Variants in FOXO3 observed in about 807,000 individuals in gnomAD.
The protein encoded by FOXO3 is forkhead box O3.
Under a neutral mutation model 41.9 loss-of-function variants are expected in FOXO3, and 4 were observed. That is an observed-to-expected ratio of 0.10 (90% CI 0.05 to 0.22). FOXO3 has a LOEUF of 0.22. FOXO3 is among the 10% of genes least tolerant of loss of function. The pLI is 1.00. For synonymous variants in FOXO3, 318 were observed against 389.3 expected (o/e 0.82, Z 2.16); for missense variants, 534 against 906.8 (o/e 0.59, Z 5.28).
intron 1 of FOXO3, among the ~76,000 whole-genome samples, chr6:108,630,481 A>C (rs1031579776): frequency 2.6e-5 from 4 of 152,158 alleles, no homozygotes; most frequent in African/African-American, 9.7e-5. Flanking sequence ...TGAGGTGGCT[A>C]GGGTAGTATT....
At chr6:108,651,331 A>G (rs558194737) in intron 1 of FOXO3, among the ~76,000 whole-genome samples, 1 of 152,242 alleles carries the variant, frequency 6.6e-6, no homozygotes, top group Non-Finnish European at 1.5e-5. Flanking sequence ...TTCCAAATGC[A>G]TGCACACTTG....
At chr6:108,660,788 C>T (rs1193688180) in intron 1 of FOXO3, among the ~76,000 whole-genome samples, 2 of 152,248 alleles carry the variant, frequency 1.3e-5, no homozygotes, top group East Asian at 1.9e-4. Context: ...GGGTGGGTCA[C>T]GAGGTCAGGA....
chr6:108,657,302 G>C (rs1778716490), intron 1 of FOXO3, among the ~76,000 whole-genome samples: 1 of 152,160 alleles, frequency 6.6e-6, no homozygotes, highest in African/African-American at 2.4e-5. Flanking sequence ...TTTTCCTAGA[G>C]ATCTTTCTTT....
intron 2 of FOXO3, among the ~76,000 whole-genome samples, chr6:108,674,548 A>T (rs1770502858): frequency 1.3e-5 from 2 of 152,200 alleles, no homozygotes; most frequent in Admixed American, 1.3e-4. Context: ...TTGCCATTTC[A>T]GGCACATTAT....
At chr6:108,560,910 G>A (rs575429425), upstream of FOXO3, 162 of 1,199,422 alleles carry the variant, frequency 1.4e-4, 1 homozygote, top group African/African-American at 2.3e-3. Context: ...CGGCCTGGCC[G>A]GGGGGCGGTG....
intron 1 of FOXO3, among the ~76,000 whole-genome samples, chr6:108,654,322 A>G (rs567681200): frequency 2.8e-4 from 43 of 152,314 alleles, no homozygotes; most frequent in Middle Eastern, 3.4e-3. Flanking sequence ...AATAATTAAT[A>G]TGAAAATAAA....
At chr6:108,572,186 G>C (rs1290264763) in intron 1 of FOXO3, among the ~76,000 whole-genome samples, 2 of 152,186 alleles carry the variant, frequency 1.3e-5, no homozygotes, top group Admixed American at 6.5e-5. Flanking sequence ...ATCTGGCTGA[G>C]GGCTTTGGTG....
chr6:108,673,685 C>T (rs1369556361), intron 2 of FOXO3, among the ~76,000 whole-genome samples: 1 of 152,122 alleles, frequency 6.6e-6, no homozygotes, highest in Non-Finnish European at 1.5e-5. Context: ...GCAATTACAC[C>T]TGCATTTCCA....
intron 1 of FOXO3, among the ~76,000 whole-genome samples, chr6:108,660,385 T>C (rs756412820): frequency 1.3e-5 from 2 of 152,216 alleles, no homozygotes; most frequent in Non-Finnish European, 2.9e-5. Flanking sequence ...CTGGGCAACA[T>C]TTGCCTTATC....
At chr6:108,673,757 G>GC (rs1171652548) in intron 2 of FOXO3, among the ~76,000 whole-genome samples, 1 of 151,822 alleles carries the variant, frequency 6.6e-6, no homozygotes, top group Non-Finnish European at 1.5e-5. Flanking sequence ...TCCCTGCCCC[G>GC]CCCCCCACAT....
chr6:108,631,611 T>C (rs1389721246), intron 1 of FOXO3, among the ~76,000 whole-genome samples: 3 of 152,196 alleles, frequency 2.0e-5, no homozygotes, highest in Non-Finnish European at 2.9e-5. Context: ...TTGACATTTT[T>C]CCCCCCTTTC....
At chr6:108,662,375 T>A (rs1408354607) in intron 1 of FOXO3, among the ~76,000 whole-genome samples, 4 of 152,230 alleles carry the variant, frequency 2.6e-5, no homozygotes, top group Non-Finnish European at 5.9e-5. Context: ...CTAAAGTTGC[T>A]CTTTTCCCCC....
At chr6:108,620,841 G>C (rs1777645599) in intron 1 of FOXO3, among the ~76,000 whole-genome samples, 1 of 152,048 alleles carries the variant, frequency 6.6e-6, no homozygotes, top group African/African-American at 2.4e-5. Flanking sequence ...AGCCTATACT[G>C]GTGTTTTTAT....
At chr6:108,592,144 A>G (rs2128363315) in intron 1 of FOXO3, among the ~76,000 whole-genome samples, 1 of 152,338 alleles carries the variant, frequency 6.6e-6, no homozygotes, top group African/African-American at 2.4e-5. Flanking sequence ...GGTTGACTGC[A>G]AAAGGGCAGA....
At chr6:108,665,988 T>C (rs1239183211) in intron 2 of FOXO3, among the ~76,000 whole-genome samples, 2 of 151,716 alleles carry the variant, frequency 1.3e-5, no homozygotes, top group Non-Finnish European at 2.9e-5. Flanking sequence ...TGTGGCATTT[T>C]AATGTTCTCA....
chr6:108,641,459 C>T (rs1380614127), intron 1 of FOXO3, among the ~76,000 whole-genome samples: 2 of 152,106 alleles, frequency 1.3e-5, no homozygotes, highest in African/African-American at 4.8e-5. Context: ...AGTTTGAAAA[C>T]CACTGGGTCA....
chr6:108,650,981 G>GA (rs1172076240), intron 1 of FOXO3, among the ~76,000 whole-genome samples: 2 of 151,356 alleles, frequency 1.3e-5, no homozygotes, highest in Non-Finnish European at 2.9e-5. Flanking sequence ...TTTTGAACAA[G>GA]AAAAAAAAAT....
Position 108,596,382 on chromosome 6 carries a change from GAAAAAAAAAAAA to G in FOXO3, c.621+34566_621+34577del, listed in dbSNP as rs61683111. Reference sequence around the variant, plus strand: ...TGGACTCCTGGTTAATGGCCTAAATGAAAAAAAAAAAAAAAAAAAAAAAAGTTCAAAGTAAAA... The same window carrying G: ...TGGACTCCTGGTTAATGGCCTAAATGAAAAAAAAAAAAGTTCAAAGTAAAA... On this transcript the variant is annotated intron_variant, in intron 1 of 2. Transcript: ENST00000406360. 1.2e-4 allele frequency among the ~76,000 whole-genome samples: 7 copies of G among 58,294 alleles called. No individual in the cohort carries two copies. The South Asian group carries it at 1.6e-3, about 13-fold the overall frequency. 38.2% of individuals were successfully genotyped at this position (58,294 alleles called of 152,430 possible).
intron 1 of FOXO3, among the ~76,000 whole-genome samples, chr6:108,603,447 A>G (rs1777108892): frequency 6.6e-6 from 1 of 152,152 alleles, no homozygotes; most frequent in Non-Finnish European, 1.5e-5. Context: ...TCAGCCATGA[A>G]AACTTTTCAC....
Sources: gnomAD v4.1 joint callset for allele counts (sites outside exome capture counted in the v4.1 genomes callset) on GRCh38, gnomAD v4.1.1 for gene constraint, MANE v1.5 for transcripts, NCBI Gene and HGNC (gene_info 2026-07-23, HGNC 2026-07-21) for gene names.